CCSER1: variants seen among roughly 807,000 people sequenced by gnomAD.
The protein encoded by CCSER1 is coiled-coil serine rich protein 1.
A neutral mutation model predicts 82.0 loss-of-function variants in CCSER1; 41 were observed. The observed-to-expected ratio is 0.50, with a 90% CI of 0.39 to 0.65. The LOEUF is 0.65. CCSER1 is among the 30% of genes least tolerant of loss of function. The pLI is 0.00. For missense variants in CCSER1, 1,119 were observed against 1,064.2 expected (o/e 1.05, Z -0.72); for synonymous variants, 414 against 383.9 (o/e 1.08, Z -0.92).
At chr4:90,638,719 C>T (rs978538961) in intron 6 of CCSER1, among the ~76,000 whole-genome samples, 4 of 152,078 alleles carry the variant, frequency 2.6e-5, no homozygotes, top group Admixed American at 2.6e-4. Flanking sequence ...AAGTATAATT[C>T]CATGACTCTT....
chr4:91,310,763 T>C (rs1940992951), intron 10 of CCSER1, among the ~76,000 whole-genome samples: 1 of 151,928 alleles, frequency 6.6e-6, no homozygotes, highest in Admixed American at 6.6e-5. Context: ...TCTAATCTGA[T>C]CTTGTCAAAT....
Position 90,940,680 on chromosome 4 carries a change from A to G in CCSER1, c.2172+17233A>G, listed in dbSNP as rs868579826. On this transcript the variant is annotated intron_variant, in intron 9 of 10. Transcript: ENST00000509176. ...GACATCAGTATTTATTGATCAAAGG[A>G]ACATTATTTTCTGCTGTTATGCCAG... 1.1e-4 allele frequency among the ~76,000 whole-genome samples: 17 copies of G among 152,250 alleles called. No homozygotes were observed. In the South Asian group the frequency reaches 3.5e-3, roughly 32 times the overall value.
chr4:90,156,998 G>T (rs1336746767), intron 1 of CCSER1, among the ~76,000 whole-genome samples: 3 of 152,186 alleles, frequency 2.0e-5, no homozygotes, highest in African/African-American at 7.2e-5. Context: ...GCATGATTTT[G>T]CAGTGGCTGG....
Position 90,983,593 on chromosome 4 carries a change from G to C in CCSER1, c.2172+60146G>C, listed in dbSNP as rs1046809926. Among the ~76,000 whole-genome samples the C allele has an allele frequency of 4.0e-5, 6 of 151,500 alleles. No individual in the cohort carries two copies. In the Admixed American group the frequency reaches 4.0e-4, roughly 10 times the overall value. ...AGCCTTAAAGAACCTCATAAAGCAA[G>C]ATTTTGGTGTTTTCAAGCAAGACTA... On this transcript the variant is annotated intron_variant, in intron 9 of 10. Transcript: ENST00000509176.
chr4:91,481,429 C>T (rs997419814), intron 10 of CCSER1, among the ~76,000 whole-genome samples: 11 of 151,966 alleles, frequency 7.2e-5, no homozygotes, highest in Non-Finnish European at 1.0e-4. Flanking sequence ...TGCCTCTTTT[C>T]GTAAGACACA....
rs190170305 is a variant in CCSER1 at position 91,559,722 on chromosome 4, T to C, written c.2218-38850T>C. ...ATAATAATTTCCAATTACAAAGAGGTATATTATTCTCATCCATGTTGCTTT... is the reference window on the plus strand; with the variant it reads ...ATAATAATTTCCAATTACAAAGAGGCATATTATTCTCATCCATGTTGCTTT... On this transcript the variant is annotated intron_variant, in intron 10 of 10. Transcript: ENST00000509176. 2.6e-5 allele frequency among the ~76,000 whole-genome samples: 4 copies of C among 151,598 alleles called. No homozygotes were observed. The Admixed American group carries it at 2.6e-4, about 10-fold the overall frequency.
chr4:91,478,174 T>C (rs1248330283), intron 10 of CCSER1, among the ~76,000 whole-genome samples: 1 of 151,920 alleles, frequency 6.6e-6, no homozygotes, highest in Non-Finnish European at 1.5e-5. Context: ...TTCTAAAGTA[T>C]TAATAACTTG....
chr4:91,304,394 A>AT (rs1744891257), intron 10 of CCSER1, among the ~76,000 whole-genome samples: 1 of 152,044 alleles, frequency 6.6e-6, no homozygotes, highest in Non-Finnish European at 1.5e-5. Context: ...CTATTGAGTT[A>AT]TTTTTTGATA....
intron 10 of CCSER1, among the ~76,000 whole-genome samples, chr4:91,551,842 G>T (rs963526225): frequency 6.6e-6 from 1 of 151,688 alleles, no homozygotes; most frequent in African/African-American, 2.4e-5. Flanking sequence ...TTGAGATTTT[G>T]TTCCTGAAAA....
intron 4 of CCSER1, among the ~76,000 whole-genome samples, chr4:90,464,243 T>G (rs1763329953): frequency 6.6e-6 from 1 of 152,220 alleles, no homozygotes; most frequent in Non-Finnish European, 1.5e-5. Context: ...GCTTGTTCAT[T>G]TTGTTGTTTA....
intron 10 of CCSER1, among the ~76,000 whole-genome samples, chr4:91,199,920 T>G (rs1196300827): frequency 6.6e-6 from 1 of 152,022 alleles, no homozygotes; most frequent in African/African-American, 2.4e-5. Flanking sequence ...CTTAAAAAGC[T>G]GCTACATAAT....
At chr4:91,133,029 T>A (rs1012309207) in intron 10 of CCSER1, among the ~76,000 whole-genome samples, 1 of 152,192 alleles carries the variant, frequency 6.6e-6, no homozygotes, top group African/African-American at 2.4e-5. Flanking sequence ...TTCATTAGCA[T>A]AGGGAAGCTA....
At chr4:91,440,192 C>T (rs1248213072) in intron 10 of CCSER1, among the ~76,000 whole-genome samples, 1 of 152,088 alleles carries the variant, frequency 6.6e-6, no homozygotes, top group Non-Finnish European at 1.5e-5. Context: ...ATGCCTATTC[C>T]AAAATAGACC....
At chr4:90,742,540 T>C (rs1412774748) in intron 7 of CCSER1, among the ~76,000 whole-genome samples, 1 of 152,172 alleles carries the variant, frequency 6.6e-6, no homozygotes, top group African/African-American at 2.4e-5. Context: ...AGAGGGAAGA[T>C]TGCTGTCTGT....
At chr4:90,454,232 T>G (rs944976020) in intron 4 of CCSER1, among the ~76,000 whole-genome samples, 1 of 151,534 alleles carries the variant, frequency 6.6e-6, no homozygotes, top group African/African-American at 2.4e-5. Flanking sequence ...TTTCATGTTT[T>G]TTTTTTTTTT....
At position 91,187,544 on chromosome 4, in the gene CCSER1, G is replaced by GGT. The variant is rs1734659925; in HGVS notation, c.2217+101550_2217+101551insGT. 4.6e-5 allele frequency among the ~76,000 whole-genome samples: 7 copies of GGT among 150,856 alleles called. No individual in the cohort carries two copies. The South Asian group carries it at 1.5e-3, about 32-fold the overall frequency. On this transcript the variant is annotated intron_variant, in intron 10 of 10. Coordinates refer to ENST00000509176, the MANE Select transcript of CCSER1 (RefSeq NM_001145065.2). Reference sequence around the variant, plus strand: ...TATGAATGTAGAAATCAATAAATTTGTTTTTTTTTTAATTTTTTATTTTTG... The same window carrying GGT: ...TATGAATGTAGAAATCAATAAATTTGGTTTTTTTTTTTAATTTTTTATTTTTG...
intron 10 of CCSER1, among the ~76,000 whole-genome samples, chr4:91,267,775 C>T (rs1659618985): frequency 6.6e-6 from 1 of 152,208 alleles, no homozygotes; most frequent in Non-Finnish European, 1.5e-5. Context: ...CTGAGAGGAA[C>T]TGATTGCCTT....
chr4:90,520,007 G>A (rs1298711601), intron 5 of CCSER1, among the ~76,000 whole-genome samples: 2 of 151,986 alleles, frequency 1.3e-5, no homozygotes, highest in African/African-American at 2.4e-5. Flanking sequence ...ATATAAATTT[G>A]TGTGCCACCA....
intron 9 of CCSER1, among the ~76,000 whole-genome samples, chr4:90,943,996 G>A (rs561720889): frequency 6.6e-6 from 1 of 152,032 alleles, no homozygotes; most frequent in South Asian, 2.1e-4. Context: ...CACTTTGGGA[G>A]GCCGAGGTGG....
Sources: allele counts gnomAD v4.1 joint callset (sites outside exome capture counted in the v4.1 genomes callset), GRCh38; gene constraint gnomAD v4.1.1; transcripts MANE v1.5; gene names NCBI Gene and HGNC (gene_info 2026-07-23, HGNC 2026-07-21).